The following NCAM2 variants were observed in gnomAD, a reference collection of about 807,000 sequenced individuals.
NCAM2 encodes neural cell adhesion molecule 2, also known as N-CAM-2.
NCAM2 carries 30 observed loss-of-function variants against 98.1 expected under a neutral mutation model. The observed-to-expected ratio is 0.31, with a 90% CI of 0.23 to 0.41. The LOEUF is 0.41. NCAM2 is among the 10% of genes least tolerant of loss of function. The pLI is 1.00. For synonymous variants in NCAM2, 368 were observed against 342.4 expected, an observed-to-expected ratio of 1.07 and a Z score of -0.83; for missense variants, 867 against 1,005.8, an observed-to-expected ratio of 0.86 and a Z score of 1.87.
intron 1 of NCAM2, among the ~76,000 whole-genome samples, chr21:21,225,864 A>T (rs1177982210): frequency 6.6e-6 from 1 of 152,024 alleles, no homozygotes; most frequent in Non-Finnish European, 1.5e-5. Context: ...ACCAAAAAGA[A>T]ACCTGCATTT....
intron 8 of NCAM2, among the ~76,000 whole-genome samples, chr21:21,372,913 G>A (rs1009525966): frequency 4.0e-5 from 6 of 151,848 alleles, no homozygotes; most frequent in East Asian, 1.9e-4. Context: ...ATTTTCAAGC[G>A]AAGATCATGT....
chr21:21,248,220 A>G (rs900530995), intron 1 of NCAM2, among the ~76,000 whole-genome samples: 2 of 152,152 alleles, frequency 1.3e-5, no homozygotes, highest in Non-Finnish European at 2.9e-5. Context: ...TGTATGCTTA[A>G]TTCTTCTCAG....
At chr21:21,121,455 G>A (rs561608231) in intron 1 of NCAM2, among the ~76,000 whole-genome samples, 8 of 152,222 alleles carry the variant, frequency 5.3e-5, no homozygotes, top group African/African-American at 1.7e-4. Context: ...ATTTTGCACC[G>A]TAATTTTAGA....
At chr21:21,236,659 T>G (rs1008085676) in intron 1 of NCAM2, among the ~76,000 whole-genome samples, 1 of 152,150 alleles carries the variant, frequency 6.6e-6, no homozygotes, top group Non-Finnish European at 1.5e-5. Flanking sequence ...TTGGGTCTTT[T>G]TATGTTGCCT....
intron 1 of NCAM2, among the ~76,000 whole-genome samples, chr21:21,153,712 G>C (rs2067519507): frequency 6.6e-6 from 1 of 151,858 alleles, no homozygotes; most frequent in Admixed American, 6.6e-5. Context: ...GTGAATGTTT[G>C]AATATAACTT....
At chr21:21,051,575 G>C (rs957498418) in intron 1 of NCAM2, among the ~76,000 whole-genome samples, 2 of 152,168 alleles carry the variant, frequency 1.3e-5, no homozygotes, top group Admixed American at 6.5e-5. Flanking sequence ...GTGTTAGGCT[G>C]GGGATAAAAT....
rs952707826 is a variant in NCAM2 at position 21,425,069 on chromosome 21, T to A, written c.1480+6500T>A. Among the ~76,000 whole-genome samples the A allele has an allele frequency of 6.3e-3, 629 of 99,254 alleles. 6 individuals carry two copies. Among genetic ancestry groups the A allele is most frequent in the African/African-American group, 0.02 (558 of 28,268 alleles). 65.1% of individuals were successfully genotyped at this position (99,254 alleles called of 152,430 possible). ...AAAAAAAAAAAAAAAAAAAAAAAAATTCATCATGTTTACATTCTGTCTGGT... is the reference window on the plus strand; with the variant it reads ...AAAAAAAAAAAAAAAAAAAAAAAAAATCATCATGTTTACATTCTGTCTGGT... On this transcript the variant is annotated intron_variant, in intron 11 of 17. Coordinates refer to ENST00000400546, the MANE Select transcript of NCAM2 (RefSeq NM_004540.5).
chr21:21,441,443 T>C (rs996379491), intron 12 of NCAM2, among the ~76,000 whole-genome samples: 4 of 152,196 alleles, frequency 2.6e-5, no homozygotes, highest in Admixed American at 1.3e-4. Flanking sequence ...CTCCAACAAA[T>C]ATATACTTAG....
chr21:21,193,924 A>G (rs1288065780), intron 1 of NCAM2, among the ~76,000 whole-genome samples: 2 of 152,186 alleles, frequency 1.3e-5, no homozygotes, highest in African/African-American at 4.8e-5. Context: ...ATTGAATTTA[A>G]AATGTTTTTA....
At position 21,488,847 on chromosome 21, in the gene NCAM2, A is replaced by C. The variant is rs969970247; in HGVS notation, c.2077+11376A>C. Among the ~76,000 whole-genome samples the C allele has an allele frequency of 2.3e-4, 35 of 152,060 alleles. 1 individual carries two copies. The highest frequency in any genetic ancestry group is 8.4e-4 in the African/African-American group (35 of 41,426). ...TTCACTCACTGAATAAAGATAAACT[A>C]TAATATTGATCATACCTAAATATGT... On this transcript the variant is annotated intron_variant, in intron 15 of 17. Transcript: ENST00000400546.
chr21:21,038,902 G>C (rs1208574073), intron 1 of NCAM2, among the ~76,000 whole-genome samples: 1 of 152,078 alleles, frequency 6.6e-6, no homozygotes, highest in African/African-American at 2.4e-5. Flanking sequence ...TCTTCTACAG[G>C]AAGACCTTCT....
At chr21:21,472,262 T>G (rs1056207794) in intron 14 of NCAM2, among the ~76,000 whole-genome samples, 2 of 152,048 alleles carry the variant, frequency 1.3e-5, no homozygotes, top group Non-Finnish European at 2.9e-5. Context: ...TTTGTAAGTC[T>G]TAATTGAACT....
At chr21:21,353,583 A>G (rs1339632298) in intron 8 of NCAM2, among the ~76,000 whole-genome samples, 1 of 152,140 alleles carries the variant, frequency 6.6e-6, no homozygotes, top group Non-Finnish European at 1.5e-5. Flanking sequence ...CTCTTAAGTG[A>G]TGAAGGCTAG....
At chr21:21,039,032 A>G (rs1314651141) in intron 1 of NCAM2, among the ~76,000 whole-genome samples, 1 of 152,222 alleles carries the variant, frequency 6.6e-6, no homozygotes. Flanking sequence ...TGTTTATTCT[A>G]TTAATAATCC....
intron 1 of NCAM2, among the ~76,000 whole-genome samples, chr21:21,091,358 A>G (rs768737559): frequency 6.6e-6 from 1 of 152,106 alleles, no homozygotes; most frequent in Non-Finnish European, 1.5e-5. Flanking sequence ...GAAATTTTTC[A>G]TCCCTATTGC....
chr21:21,023,503 G>A (rs1274763641), intron 1 of NCAM2, among the ~76,000 whole-genome samples: 3 of 151,058 alleles, frequency 2.0e-5, no homozygotes, highest in African/African-American at 7.3e-5. Flanking sequence ...CAGTCTGGGT[G>A]ACAGAGTGAG....
chr21:21,473,395 A>T (rs1274828910), intron 14 of NCAM2, among the ~76,000 whole-genome samples: 2 of 125,994 alleles, frequency 1.6e-5, no homozygotes, highest in Non-Finnish European at 3.6e-5. Flanking sequence ...TATATATATT[A>T]TATATAAAAT....
intron 9 of NCAM2, among the ~76,000 whole-genome samples, chr21:21,400,451 A>T (rs1172425329): frequency 6.6e-6 from 1 of 152,112 alleles, no homozygotes; most frequent in Non-Finnish European, 1.5e-5. Flanking sequence ...GTAATGCACA[A>T]TTTTTATTAA....
At chr21:21,353,532 C>T (rs2075395862) in intron 8 of NCAM2, among the ~76,000 whole-genome samples, 1 of 152,156 alleles carries the variant, frequency 6.6e-6, no homozygotes, top group South Asian at 2.1e-4. Context: ...CACATAAGGT[C>T]TCTCACGTCC....
Sources: gnomAD v4.1 joint callset for allele counts (sites outside exome capture counted in the v4.1 genomes callset) on GRCh38, gnomAD v4.1.1 for gene constraint, MANE v1.5 for transcripts, NCBI Gene and HGNC (gene_info 2026-07-23, HGNC 2026-07-21) for gene names.